KCNQ4: variants seen among roughly 807,000 people sequenced by gnomAD.
KCNQ4 encodes potassium voltage-gated channel subfamily KQT member 4.
In KCNQ4, 31 loss-of-function variants were observed where a neutral mutation model predicts 72.6. The ratio of observed to expected loss-of-function variants is 0.43; its 90% confidence interval spans 0.32 to 0.58. KCNQ4 has a LOEUF of 0.58. KCNQ4 is among the 20% of genes least tolerant of loss of function. KCNQ4 has a pLI of 0.08. For synonymous variants in KCNQ4, 405 were observed against 403.7 expected (o/e 1.00, Z -0.04); for missense variants, 869 against 962.6 (o/e 0.90, Z 1.29).
intron 4 of KCNQ4, chr1:40,819,067 G>A: frequency 1.8e-6 from 1 of 546,708 alleles, no homozygotes; most frequent in Non-Finnish European, 3.4e-6. Context: ...CTTGGGGGAC[G>A]GGGCAAGGTA....
intron 1 of KCNQ4, among the ~76,000 whole-genome samples, chr1:40,795,820 C>G (rs1363871585): frequency 1.3e-5 from 2 of 152,132 alleles, no homozygotes; most frequent in Admixed American, 6.5e-5. Context: ...AAAGAATGCA[C>G]GAAGCTGGAG....
Position 40,788,537 on chromosome 1 carries a change from ATCC to A in KCNQ4, c.314+4136_314+4138del, listed in dbSNP as rs1323406633. Among the ~76,000 whole-genome samples, 11 of 152,142 alleles carry A rather than the reference ATCC, an allele frequency of 7.2e-5. No homozygotes were observed. The highest frequency in any genetic ancestry group is 2.7e-4 in the African/African-American group (11 of 41,434). ...GCAGCCTTGTGAGGTGGGCACTGTT[ATCC>A]TCCTCATTTGACAGATGGGGAAACT... On this transcript the variant is annotated intron_variant, in intron 1 of 13. Coordinates refer to ENST00000347132, the MANE Select transcript of KCNQ4 (RefSeq NM_004700.4). The surrounding 1 kb of genome is among the most constrained non-coding windows in gnomAD (Gnocchi z 4.5).
At chr1:40,810,254 TC>T (rs1431762219) in intron 1 of KCNQ4, among the ~76,000 whole-genome samples, 1 of 152,106 alleles carries the variant, frequency 6.6e-6, no homozygotes, top group Non-Finnish European at 1.5e-5. Context: ...TGCTTGCACA[TC>T]CTGCTTCCTC....
At chr1:40,811,192 G>A (rs1256192768) in intron 1 of KCNQ4, among the ~76,000 whole-genome samples, 1 of 152,122 alleles carries the variant, frequency 6.6e-6, no homozygotes, top group East Asian at 1.9e-4. Flanking sequence ...TGGCCAGCAG[G>A]AGCAGTTATG....
rs1328345312 is a variant in KCNQ4 at position 40,784,693 on chromosome 1, C to T, written c.314+286C>T. 1.3e-5 allele frequency among the ~76,000 whole-genome samples: 2 copies of T among 152,240 alleles called. No individual in the cohort carries two copies. Among genetic ancestry groups the T allele is most frequent in the Non-Finnish European group, 2.9e-5 (2 of 68,032 alleles). ...CTCTGCTCCTCTGTCCCAGGTACTCCCGACCGCCAGCTGCCTCCCCCAAGT... is the reference window on the plus strand; with the variant it reads ...CTCTGCTCCTCTGTCCCAGGTACTCTCGACCGCCAGCTGCCTCCCCCAAGT... On this transcript the variant is annotated intron_variant, in intron 1 of 13. Transcript: ENST00000347132. The surrounding 1 kb of genome is among the most constrained non-coding windows in gnomAD (Gnocchi z 4.1).
intron 1 of KCNQ4, among the ~76,000 whole-genome samples, chr1:40,800,526 A>G (rs1182978433): frequency 6.6e-6 from 1 of 152,186 alleles, no homozygotes; most frequent in Admixed American, 6.5e-5. Flanking sequence ...GTGAGCTTGC[A>G]TCAATCCTCC....
chr1:40,809,199 C>T (rs986307357), intron 1 of KCNQ4, among the ~76,000 whole-genome samples: 7 of 152,188 alleles, frequency 4.6e-5, no homozygotes, highest in African/African-American at 7.2e-5. Context: ...TCTGGCTATC[C>T]CTCCCAGTCT....
Position 40,818,572 on chromosome 1 carries a change from G to T in KCNQ4, c.600G>T (p.Thr200=), listed in dbSNP as rs1243296235. 1.9e-6 allele frequency: 3 copies of T among 1,604,966 alleles called. No individual in the cohort carries two copies. Among genetic ancestry groups the T allele is most frequent in the Non-Finnish European group, 1.7e-6 (2 of 1,179,850 alleles). ...AAGTQGNIFA[T]SALRSMRFLQ... ...GTACCCAGGGCAACATCTTCGCCAC[G>T]TCCGCGCTGCGCAGCATGCGCTTCC... The change falls in exon 4 of 14, where the codon ACG becomes ACT. Residue 200 remains threonine, a synonymous_variant. Transcript: ENST00000347132.
Position 40,818,211 on chromosome 1 carries a change from C to T in KCNQ4, c.453C>T (p.Val151=), listed in dbSNP as rs1357715957. 6.2e-7 allele frequency: 1 copy of T among 1,613,884 alleles called. No individual in the cohort carries two copies. Among genetic ancestry groups the T allele is most frequent in the Non-Finnish European group, 8.5e-7 (1 of 1,180,040 alleles). ...VVFGLEYIVR[V]WSAGCCCRYR... is the part of the protein sequence containing the mutation. The stretch of plus-strand genomic sequence containing the variant: ...TCGGCTTGGAGTACATCGTCCGGGT[C>T]TGGTCCGCCGGATGCTGCTGCCGCT... Residue 151 remains valine, a synonymous_variant, in exon 3 of 14, where the codon GTC becomes GTT. Coordinates refer to ENST00000347132, the MANE Select transcript of KCNQ4 (RefSeq NM_004700.4).
chr1:40,835,945 C>T (rs941102718), intron 12 of KCNQ4, among the ~76,000 whole-genome samples: 3 of 151,874 alleles, frequency 2.0e-5, no homozygotes, highest in Admixed American at 6.5e-5. Flanking sequence ...AGAGGGCTAA[C>T]GGCACTCAGA....
At position 40,838,849 on chromosome 1, in the gene KCNQ4, C is replaced by CG; in HGVS notation, c.*329dup. 1 of 443,744 alleles carries CG rather than the reference C, an allele frequency of 2.3e-6. No homozygotes were observed. 27.5% of individuals were successfully genotyped at this position (443,744 alleles called of 1,614,324 possible). A position where few individuals can be genotyped will look rare whatever the true frequency, so the allele number is the denominator to read the frequency against. The stretch of plus-strand genomic sequence containing the variant: ...AGGGGCACAGCCCCGGGAGTGGGAG[C>CG]GGGCGCTGGGGCCCTGGGCCCTGAC... On this transcript the variant is annotated 3_prime_UTR_variant, in exon 14 of 14. Coordinates refer to ENST00000347132, the MANE Select transcript of KCNQ4 (RefSeq NM_004700.4).
At chr1:40,800,962 A>G (rs1647555648) in intron 1 of KCNQ4, among the ~76,000 whole-genome samples, 1 of 152,214 alleles carries the variant, frequency 6.6e-6, no homozygotes, top group African/African-American at 2.4e-5. Context: ...ATGTACAGGG[A>G]GTGGAGAAGT....
At chr1:40,819,230 A>C (rs1648203011) in intron 4 of KCNQ4, 117 bp from the exon 5 acceptor site, 2 of 1,291,672 alleles carry the variant, frequency 1.5e-6, no homozygotes, top group Non-Finnish European at 2.2e-6. Flanking sequence ...TGAGAAAGAA[A>C]AGCGAGCCTG....
chr1:40,817,881 G>A lies in KCNQ4; in HGVS notation c.406-283G>A, dbSNP rs1446608675. On this transcript the variant is annotated intron_variant, in intron 2 of 13. Transcript: ENST00000347132. This position sits in a 1 kb window ranked among gnomAD's most constrained non-coding sequence, Gnocchi z 5.5. ...CCTTTTGTCACCAGGTCAGAGTTAG[G>A]GAGTCTGAGACAGCTGGGACAGGGA... 6.6e-6 allele frequency among the ~76,000 whole-genome samples: 1 copy of A among 152,206 alleles called. No homozygotes were observed. The highest frequency in any genetic ancestry group is 1.5e-5 in the Non-Finnish European group (1 of 68,038).
chr1:40,806,101 A>G (rs912832485), intron 1 of KCNQ4, among the ~76,000 whole-genome samples: 10 of 152,222 alleles, frequency 6.6e-5, no homozygotes, highest in Admixed American at 4.6e-4. Context: ...TCAGCCTCCC[A>G]AAGTGCTGGG....
intron 1 of KCNQ4, among the ~76,000 whole-genome samples, chr1:40,809,458 T>A (rs1233901007): frequency 6.6e-6 from 1 of 151,948 alleles, no homozygotes; most frequent in Admixed American, 6.6e-5. Flanking sequence ...TCCAGTGGGG[T>A]CTCCCCCGTC....
chr1:40,820,823 G>A (rs995532467), intron 7 of KCNQ4, among the ~76,000 whole-genome samples: 5 of 152,242 alleles, frequency 3.3e-5, no homozygotes, highest in African/African-American at 9.6e-5. Flanking sequence ...TTCCCTCTGT[G>A]CCATGGCGTG....
chr1:40,825,993 G>A (rs544143329), intron 9 of KCNQ4, among the ~76,000 whole-genome samples: 1 of 152,212 alleles, frequency 6.6e-6, no homozygotes, highest in Non-Finnish European at 1.5e-5. Context: ...CTGGGACACA[G>A]GGTGATGGTA....
chr1:40,806,577 G>A (rs727147), intron 1 of KCNQ4, among the ~76,000 whole-genome samples: 37,999 of 152,096 alleles, frequency 0.25, 4,916 homozygotes, highest in Middle Eastern at 0.29. Context: ...TGCCTTTCAT[G>A]TCCCGTGGGA....
Sources: gnomAD v4.1 joint callset for allele counts (sites outside exome capture counted in the v4.1 genomes callset) on GRCh38, gnomAD v4.1.1 for gene constraint, Gnocchi (gnomAD v3.1) non-coding constraint, MANE v1.5 for transcripts, NCBI Gene and HGNC (gene_info 2026-07-23, HGNC 2026-07-21) for gene names.